Variants in CREB3L3 observed in about 807,000 individuals in gnomAD.
CREB3L3 encodes the protein cyclic AMP-responsive element-binding protein 3-like protein 3.
A neutral mutation model predicts 44.6 loss-of-function variants in CREB3L3; 40 were observed. That is an observed-to-expected ratio of 0.90 (90% CI 0.70 to 1.17). The LOEUF is 1.17. CREB3L3 is among the 50% of genes most tolerant of loss of function. The pLI is 0.00. For missense variants in CREB3L3, 578 were observed against 595.8 expected, an observed-to-expected ratio of 0.97 and a Z score of 0.31; for synonymous variants, 273 against 256.3, an observed-to-expected ratio of 1.06 and a Z score of -0.62.
intron 5 of CREB3L3, among the ~76,000 whole-genome samples, chr19:4,167,907 G>C (rs1485427568): frequency 1.3e-5 from 2 of 151,986 alleles, no homozygotes; most frequent in East Asian, 3.9e-4. Context: ...GGTGAAGTGG[G>C]GTCAGGACAG....
intron 2 of CREB3L3, among the ~76,000 whole-genome samples, chr19:4,156,170 T>A (rs2041572967): frequency 1.7e-5 from 1 of 60,404 alleles, no homozygotes; most frequent in Non-Finnish European, 2.8e-5. Flanking sequence ...CCTTCCTCCC[T>A]TCCTCCCTTC....
chr19:4,157,025 T>C lies in CREB3L3; in HGVS notation c.187T>C (p.Phe63Leu). 2 of 1,613,992 alleles carry C rather than the reference T, an allele frequency of 1.2e-6. No homozygotes were observed. Among genetic ancestry groups the C allele is most frequent in the Admixed American group, 3.3e-5 (2 of 59,978 alleles). The stretch of plus-strand genomic sequence containing the variant: ...CCTGCCAAACCCCGACTCTGACGAC[T>C]TCCTCAGCTCCATCCTGGGCTCTGG... Reference protein sequence around the residue: ...QVLPNPDSDDFLSSILGSGDS... With the variant: ...QVLPNPDSDDLLSSILGSGDS... Residue 63 changes from phenylalanine to leucine, a missense_variant, in exon 3 of 10, where the codon TTC (phenylalanine) becomes CTC (leucine). By Grantham distance (22) the Phe-to-Leu change is conservative. Transcript: ENST00000078445.
At chr19:4,163,660 G>C (rs1043934979) in intron 4 of CREB3L3, among the ~76,000 whole-genome samples, 7 of 146,134 alleles carry the variant, frequency 4.8e-5, no homozygotes, top group African/African-American at 1.3e-4. Flanking sequence ...TTGCAGGCAC[G>C]TGCCACCACA....
chr19:4,163,134 C>T (rs550711890), intron 4 of CREB3L3, among the ~76,000 whole-genome samples: 4 of 151,924 alleles, frequency 2.6e-5, no homozygotes, highest in Middle Eastern at 3.4e-3. Flanking sequence ...GGTGAAACCC[C>T]GTCTCTACTA....
chr19:4,158,799 C>CAAAA (rs760741012), intron 3 of CREB3L3, among the ~76,000 whole-genome samples: 2 of 64,334 alleles, frequency 3.1e-5, no homozygotes, highest in African/African-American at 4.8e-5. Flanking sequence ...GACTCCGTCT[C>CAAAA]AAAAAAAAAA....
At chr19:4,170,325 A>G (rs1230846260) in intron 7 of CREB3L3, 117 bp downstream of exon 7, 13 of 1,032,484 alleles carry the variant, frequency 1.3e-5, no homozygotes, top group Non-Finnish European at 2.0e-5. Flanking sequence ...AGTTTTACCT[A>G]TGGGCCGCGT....
rs548430073 is a variant in CREB3L3 at position 4,171,287 on chromosome 19, A to C, written c.976-96A>C. The stretch of plus-strand genomic sequence containing the variant: ...TTGTGCCCCAGCTCAAGTATGATCC[A>C]GTCTGGTCTTTGGGGCCTCAGTTTC... On this transcript the variant is annotated intron_variant, in intron 8 of 9. Coordinates refer to ENST00000078445, the MANE Select transcript of CREB3L3 (RefSeq NM_032607.3). This position sits in a 1 kb window ranked among gnomAD's most constrained non-coding sequence, Gnocchi z 4.9. 7.2e-7 allele frequency: 1 copy of C among 1,393,744 alleles called. No individual in the cohort carries two copies. Among genetic ancestry groups the C allele is most frequent in the African/African-American group, 1.4e-5 (1 of 69,130 alleles). The allele number at this position is 1,393,744 out of a possible 1,614,324, so 86.3% of individuals were successfully genotyped here. A position where few individuals can be genotyped will look rare whatever the true frequency, so the allele number is the denominator to read the frequency against.
chr19:4,156,902 C>T (rs1443070244), intron 2 of CREB3L3, 93 bp from the exon 3 acceptor site: 1 of 1,362,402 alleles, frequency 7.3e-7, no homozygotes, highest in Non-Finnish European at 1.0e-6. Flanking sequence ...CACCTAAGGC[C>T]CAAAGAGGGT....
chr19:4,166,464 C>A (rs563094963), intron 5 of CREB3L3, among the ~76,000 whole-genome samples: 193 of 144,516 alleles, frequency 1.3e-3, no homozygotes, highest in Non-Finnish European at 2.3e-3. Flanking sequence ...CAGAGTTTCA[C>A]CATGTTGGCC....
Position 4,172,099 on chromosome 19 carries a change from C to A in CREB3L3, c.*130C>A, listed in dbSNP as rs539937506. ...AGCAGAGATGCCAGAATGGGGGAGG[C>A]ACAGCTCATAGCCACACACCCAGGG... On this transcript the variant is annotated 3_prime_UTR_variant, in exon 10 of 10. Transcript: ENST00000078445. 8.0e-6 allele frequency: 8 copies of A among 997,812 alleles called. No individual in the cohort carries two copies. Among genetic ancestry groups the A allele is most frequent in the Non-Finnish European group, 1.1e-5 (8 of 697,506 alleles). 61.8% of individuals were successfully genotyped at this position (997,812 alleles called of 1,614,324 possible).
In CREB3L3 at chr19:4,171,025, G is replaced by A. The variant is rs970993097; in HGVS notation, c.891-66G>A. On this transcript the variant is annotated intron_variant, in intron 7 of 9. Transcript: ENST00000078445. This position sits in a 1 kb window ranked among gnomAD's most constrained non-coding sequence, Gnocchi z 4.9. ...GACTTTAGCGGGGCTGGGGGACCCC[G>A]GAAATGGACGAGAAGCAGAACCGAG... is the stretch of plus-strand genomic sequence containing the variant. The A allele has an allele frequency of 5.2e-5, 68 of 1,300,842 alleles. No homozygotes were observed. Among genetic ancestry groups the A allele is most frequent in the Middle Eastern group, 1.8e-4 (1 of 5,484 alleles). 80.6% of individuals were successfully genotyped at this position (1,300,842 alleles called of 1,614,324 possible).
chr19:4,159,244 G>A (rs560491441), intron 3 of CREB3L3, among the ~76,000 whole-genome samples: 42 of 151,588 alleles, frequency 2.8e-4, no homozygotes, highest in African/African-American at 9.7e-4. Flanking sequence ...TCCACCACCC[G>A]GGTTCAAGTG....
intron 4 of CREB3L3, among the ~76,000 whole-genome samples, chr19:4,160,642 G>A (rs2145125707): frequency 6.6e-6 from 1 of 151,904 alleles, no homozygotes; most frequent in Non-Finnish European, 1.5e-5. Context: ...TGCCACCTCT[G>A]CCTCCCGGGT....
chr19:4,171,302 G>A lies in CREB3L3; in HGVS notation c.976-81G>A, dbSNP rs1204043248. The A allele has an allele frequency of 6.8e-6, 10 of 1,480,828 alleles. No individual in the cohort carries two copies. Among genetic ancestry groups the A allele is most frequent in the Non-Finnish European group, 9.4e-6 (10 of 1,063,838 alleles). 91.7% of individuals were successfully genotyped at this position (1,480,828 alleles called of 1,614,324 possible). A position where few individuals can be genotyped will look rare whatever the true frequency, so the allele number is the denominator to read the frequency against. Reference sequence around the variant, plus strand: ...AGTATGATCCAGTCTGGTCTTTGGGGCCTCAGTTTCCCTGCCTGTGGGATG... The same window carrying A: ...AGTATGATCCAGTCTGGTCTTTGGGACCTCAGTTTCCCTGCCTGTGGGATG... On this transcript the variant is annotated intron_variant, in intron 8 of 9. Coordinates refer to ENST00000078445, the MANE Select transcript of CREB3L3 (RefSeq NM_032607.3). The surrounding 1 kb of genome is among the most constrained non-coding windows in gnomAD (Gnocchi z 4.9).
intron 4 of CREB3L3, among the ~76,000 whole-genome samples, chr19:4,161,036 C>T (rs1027365275): frequency 3.3e-5 from 5 of 152,010 alleles, no homozygotes; most frequent in African/African-American, 7.2e-5. Flanking sequence ...CTCAGCCTCC[C>T]GAGTAGCTGG....
chr19:4,157,004 C>A lies in CREB3L3; in HGVS notation c.166C>A (p.Pro56Thr). The change falls in exon 3 of 10, where the codon CCA becomes ACA. Residue 56 changes from proline to threonine, a missense_variant. Coordinates refer to ENST00000078445, the MANE Select transcript of CREB3L3 (RefSeq NM_032607.3). The stretch of plus-strand genomic sequence containing the variant: ...TCCCTGTCCACCCCAGCAGGTCCTG[C>A]CAAACCCCGACTCTGACGACTTCCT... ...WGHVKDQQVLPNPDSDDFLSS... is the reference protein window; with the variant it reads ...WGHVKDQQVLTNPDSDDFLSS... 1 of 1,614,098 alleles carries A rather than the reference C, an allele frequency of 6.2e-7. No individual in the cohort carries two copies. Among genetic ancestry groups the A allele is most frequent in the Non-Finnish European group, 8.5e-7 (1 of 1,180,010 alleles).
At chr19:4,169,903 G>C (rs1967005912) in intron 6 of CREB3L3, among the ~76,000 whole-genome samples, 1 of 152,058 alleles carries the variant, frequency 6.6e-6, no homozygotes. Context: ...CCATCCAGGG[G>C]GCTCAGCTTT....
chr19:4,163,347 AGAAAGAAG>A (rs936532978), intron 4 of CREB3L3, among the ~76,000 whole-genome samples: 30 of 128,570 alleles, frequency 2.3e-4, no homozygotes, highest in Non-Finnish European at 3.4e-4. Flanking sequence ...AAAGAAAGAA[AGAAAGAAG>A]GAAGGAAGGA....
intron 5 of CREB3L3, among the ~76,000 whole-genome samples, chr19:4,165,027 C>T (rs1298208274): frequency 6.6e-6 from 1 of 152,026 alleles, no homozygotes; most frequent in African/African-American, 2.4e-5. Flanking sequence ...ACCTTTAGAA[C>T]ACCCGTACTA....
Sources: allele counts gnomAD v4.1 joint callset (sites outside exome capture counted in the v4.1 genomes callset), GRCh38; gene constraint gnomAD v4.1.1; non-coding constraint Gnocchi (gnomAD v3.1); transcripts MANE v1.5; gene names NCBI Gene and HGNC (gene_info 2026-07-23, HGNC 2026-07-21).